Variants in GALNT13 observed in about 807,000 individuals in gnomAD.
The protein encoded by GALNT13 is UDP-GalNAc:polypeptide N-acetylgalactosaminyltransferase 13.
GALNT13 carries 28 observed loss-of-function variants against 64.2 expected under a neutral mutation model. The ratio of observed to expected loss-of-function variants is 0.44; its 90% CI spans 0.32 to 0.60. The LOEUF is 0.60. Among genes scored for constraint, GALNT13 ranks in the 20% least tolerant of loss-of-function variants. The probability of loss-of-function intolerance (pLI) is 0.05; values close to 1 mark genes in which losing one functional copy is unlikely to be tolerated. For synonymous variants in GALNT13, 214 were observed against 224.6 expected (o/e 0.95, Z 0.42); for missense variants, 577 against 669.8 (o/e 0.86, Z 1.53).
At chr2:153,581,592 T>C in the GALNT13 span, among the ~76,000 whole-genome samples, 11 of 152,152 alleles carry the variant, frequency 7.2e-5, no homozygotes, top group African/African-American at 2.7e-4. Context: ...CCTGTAGTAC[T>C]CATAAGAACT....
the GALNT13 span, among the ~76,000 whole-genome samples, chr2:153,283,004 T>C: frequency 3.3e-3 from 505 of 152,328 alleles, 8 homozygotes; most frequent in East Asian, 0.046. Flanking sequence ...ATGACACTTA[T>C]GGGTAAGTAA....
chr2:154,244,528 G>A (rs1689672088), intron 6 of GALNT13, among the ~76,000 whole-genome samples: 1 of 152,138 alleles, frequency 6.6e-6, no homozygotes, highest in African/African-American at 2.4e-5. Flanking sequence ...GGACATTTAT[G>A]TGCTTTTCAT....
At chr2:153,425,388 T>A in the GALNT13 span, among the ~76,000 whole-genome samples, 1 of 151,722 alleles carries the variant, frequency 6.6e-6, no homozygotes, top group Non-Finnish European at 1.5e-5. Context: ...TTCTATAGGA[T>A]CACTGAAAAC....
At chr2:154,355,687 C>CA (rs1696699579) in intron 9 of GALNT13, among the ~76,000 whole-genome samples, 1 of 152,052 alleles carries the variant, frequency 6.6e-6, no homozygotes, top group Non-Finnish European at 1.5e-5. Context: ...GTATTTCTCA[C>CA]AGCATCCACA....
the GALNT13 span, among the ~76,000 whole-genome samples, chr2:153,807,456 C>T: frequency 6.6e-6 from 1 of 151,672 alleles, no homozygotes; most frequent in Admixed American, 6.6e-5. Flanking sequence ...AGAATGGCCA[C>T]ACAATTATTT....
At chr2:153,533,241 T>G in the GALNT13 span, among the ~76,000 whole-genome samples, 8 of 152,066 alleles carry the variant, frequency 5.3e-5, no homozygotes, top group Non-Finnish European at 8.8e-5. Flanking sequence ...AGGCATTTAT[T>G]TATTCTGCTT....
the GALNT13 span, among the ~76,000 whole-genome samples, chr2:153,268,186 A>G: frequency 6.6e-6 from 1 of 152,248 alleles, no homozygotes; most frequent in Non-Finnish European, 1.5e-5. Flanking sequence ...CAGTAAAATC[A>G]AAAGCAAATT....
At chr2:153,082,671 A>G in the GALNT13 span, among the ~76,000 whole-genome samples, 4 of 135,276 alleles carry the variant, frequency 3.0e-5, no homozygotes, top group African/African-American at 2.8e-5. Flanking sequence ...ACACATATAT[A>G]TAATTTATTA....
At chr2:154,231,620 A>G (rs1197273808) in intron 4 of GALNT13, among the ~76,000 whole-genome samples, 2 of 151,714 alleles carry the variant, frequency 1.3e-5, no homozygotes, top group Non-Finnish European at 2.9e-5. Context: ...CTATTTGACT[A>G]TTCCTTTTGA....
the GALNT13 span, among the ~76,000 whole-genome samples, chr2:153,159,914 T>G: frequency 6.6e-6 from 1 of 152,338 alleles, no homozygotes; most frequent in Admixed American, 6.5e-5. Context: ...CAGTCAGATG[T>G]TTCTCATCCT....
intron 9 of GALNT13, among the ~76,000 whole-genome samples, chr2:154,342,111 A>G (rs891163013): frequency 2.0e-5 from 3 of 152,040 alleles, no homozygotes; most frequent in Admixed American, 6.6e-5. Flanking sequence ...TAAAAACTCA[A>G]TGTCTTCATT....
intron 4 of GALNT13, among the ~76,000 whole-genome samples, chr2:154,163,469 C>T (rs1684854860): frequency 6.6e-6 from 1 of 152,006 alleles, no homozygotes; most frequent in South Asian, 2.1e-4. Flanking sequence ...ATAAACACCT[C>T]TATGCAAATA....
chr2:153,223,765 C>A, the GALNT13 span, among the ~76,000 whole-genome samples: 1 of 151,934 alleles, frequency 6.6e-6, no homozygotes, highest in South Asian at 2.1e-4. Context: ...TTGAGGTCAA[C>A]CTGGCCAACA....
the GALNT13 span, among the ~76,000 whole-genome samples, chr2:153,811,457 C>A: frequency 6.6e-6 from 1 of 152,142 alleles, no homozygotes; most frequent in East Asian, 1.9e-4. Context: ...TCTTTATTGA[C>A]TTTATCTTCA....
At chr2:154,281,699 C>T (rs1439705830) in intron 8 of GALNT13, among the ~76,000 whole-genome samples, 4 of 152,086 alleles carry the variant, frequency 2.6e-5, no homozygotes, top group African/African-American at 4.8e-5. Flanking sequence ...CCATACCTCT[C>T]ACACACACCG....
the GALNT13 span, among the ~76,000 whole-genome samples, chr2:153,206,661 T>C: frequency 1.3e-3 from 202 of 152,072 alleles, 1 homozygote; most frequent in African/African-American, 4.5e-3. Context: ...ACAAGGAAAA[T>C]TTATGTCTGA....
intron 4 of GALNT13, among the ~76,000 whole-genome samples, chr2:154,159,210 C>CCTCCTCCTT (rs1387753145): frequency 3.3e-5 from 5 of 152,130 alleles, no homozygotes; most frequent in Non-Finnish European, 7.4e-5. Context: ...TCTTGGCTCA[C>CCTCCTCCTT]AGCAACCTCC....
the GALNT13 span, among the ~76,000 whole-genome samples, chr2:153,631,310 G>A: frequency 4.9e-4 from 74 of 152,076 alleles, no homozygotes; most frequent in African/African-American, 1.7e-3. Context: ...ATTTATAATC[G>A]TTTGGGTATA....
rs199660437 is a variant in GALNT13, at chr2:154,019,647, CACACACAA to C, written c.142+75010_142+75017del. On this transcript the variant is annotated intron_variant, in intron 3 of 12. Coordinates refer to ENST00000392825, the MANE Select transcript of GALNT13 (RefSeq NM_052917.4). ...ACACACACACACACACACACACACA[CACACACAA>C]AAGCAAGAAAAATGCACATGTTTAA... 4.5e-3 allele frequency among the ~76,000 whole-genome samples: 604 copies of C among 134,890 alleles called. 3 individuals carry two copies. The highest frequency in any genetic ancestry group is 0.04 in the East Asian group (198 of 4,952). 88.5% of individuals were successfully genotyped at this position (134,890 alleles called of 152,430 possible).
Sources: gnomAD v4.1 joint callset for allele counts (sites outside exome capture counted in the v4.1 genomes callset) on GRCh38, gnomAD v4.1.1 for gene constraint, MANE v1.5 for transcripts, NCBI Gene and HGNC (gene_info 2026-07-23, HGNC 2026-07-21) for gene names.